The following NR2C2 variants were observed in gnomAD, a reference collection of about 807,000 sequenced individuals.
The protein encoded by NR2C2 is Nuclear hormone receptor TR4.
NR2C2 carries 6 observed loss-of-function variants against 62.9 expected under a neutral mutation model. The ratio of observed to expected loss-of-function variants is 0.10; its 90% CI spans 0.05 to 0.19. The LOEUF is 0.19. Ranked by LOEUF, NR2C2 falls within the 10% of genes least tolerant of loss-of-function variation. The pLI is 1.00. For missense variants in NR2C2, 479 were observed against 762.7 expected (o/e 0.63, Z 4.38); for synonymous variants, 272 against 273.8 (o/e 0.99, Z 0.07).
intron 1 of NR2C2, among the ~76,000 whole-genome samples, chr3:14,971,900 C>T (rs1325481011): frequency 1.3e-5 from 2 of 151,182 alleles, no homozygotes; most frequent in Non-Finnish European, 2.9e-5. Flanking sequence ...CCTCCGCCTC[C>T]CAGGTTCAAG....
intron 1 of NR2C2, among the ~76,000 whole-genome samples, chr3:14,965,588 T>C (rs1435101272): frequency 1.3e-5 from 2 of 151,692 alleles, no homozygotes; most frequent in African/African-American, 4.8e-5. Flanking sequence ...AGTCTCAATT[T>C]TGAGTGCAAA....
chr3:14,985,556 A>G (rs1459902778), intron 1 of NR2C2, among the ~76,000 whole-genome samples: 1 of 152,094 alleles, frequency 6.6e-6, no homozygotes, highest in Non-Finnish European at 1.5e-5. Context: ...ATTTACATCC[A>G]TGTTTATGTA....
At chr3:15,007,056 C>T (rs375934873) in intron 2 of NR2C2, among the ~76,000 whole-genome samples, 297 of 148,508 alleles carry the variant, frequency 2.0e-3, no homozygotes, top group African/African-American at 6.8e-3. Flanking sequence ...ATTACAGGCG[C>T]GAGCCACTGT....
intron 1 of NR2C2, among the ~76,000 whole-genome samples, chr3:14,979,232 CGTGA>C (rs1441824143): frequency 2.6e-5 from 4 of 152,098 alleles, no homozygotes; most frequent in Non-Finnish European, 4.4e-5. Flanking sequence ...GAGATAAATG[CGTGA>C]GTATTTTCTG....
At chr3:15,013,182 G>T (rs746964326) in intron 2 of NR2C2, among the ~76,000 whole-genome samples, 1 of 152,190 alleles carries the variant, frequency 6.6e-6, no homozygotes, top group South Asian at 2.1e-4. Context: ...TTTAGAAAGA[G>T]GCTGTCTTTG....
intron 1 of NR2C2, among the ~76,000 whole-genome samples, chr3:14,993,327 G>A (rs1478843241): frequency 6.6e-6 from 1 of 151,934 alleles, no homozygotes; most frequent in South Asian, 2.1e-4. Context: ...GGTGGTGGGT[G>A]CCTGTAATCC....
At chr3:15,021,396 C>A (rs73129403) in intron 5 of NR2C2, among the ~76,000 whole-genome samples, 2,070 of 152,286 alleles carry the variant, frequency 0.014, 51 homozygotes, top group African/African-American at 0.047. Context: ...GGATAAGGTC[C>A]TTTGCCAAGC....
At chr3:15,039,967 G>A (rs1024864356) in intron 13 of NR2C2, among the ~76,000 whole-genome samples, 5 of 151,782 alleles carry the variant, frequency 3.3e-5, no homozygotes, top group African/African-American at 1.2e-4. Context: ...TGGCCAAGAT[G>A]GTGAAACCCC....
chr3:14,992,217 T>C (rs1383194985), intron 1 of NR2C2, among the ~76,000 whole-genome samples: 2 of 152,002 alleles, frequency 1.3e-5, no homozygotes, highest in Non-Finnish European at 2.9e-5. Flanking sequence ...CAAAGCAATG[T>C]CATGCCATTA....
rs55834583 is a variant in NR2C2 at position 15,029,792 on chromosome 3, A to AATACATAGATAGATAG, written c.933-480_933-479insCATAGATAGATAGATA. 7.9e-4 allele frequency among the ~76,000 whole-genome samples: 110 copies of AATACATAGATAGATAG among 139,304 alleles called. 1 individual carries two copies. Among genetic ancestry groups the AATACATAGATAGATAG allele is most frequent in the Non-Finnish European group, 9.9e-4 (65 of 65,900 alleles). 91.4% of individuals were successfully genotyped at this position (139,304 alleles called of 152,430 possible). A position where few individuals can be genotyped will look rare whatever the true frequency, so the allele number is the denominator to read the frequency against. On this transcript the variant is annotated intron_variant, in intron 8 of 13. Coordinates refer to ENST00000425241, the MANE Select transcript of NR2C2 (RefSeq NM_001291694.2). ...CCCATCTCTGAAAAAGTAAATAAATAATAGATAGATAGATAGATAGATAGA... is the reference window on the plus strand; with the variant it reads ...CCCATCTCTGAAAAAGTAAATAAATAATACATAGATAGATAGATAGATAGATAGATAGATAGATAGA...
At chr3:14,980,954 T>G (rs1438821295) in intron 1 of NR2C2, among the ~76,000 whole-genome samples, 1 of 152,224 alleles carries the variant, frequency 6.6e-6, no homozygotes, top group Non-Finnish European at 1.5e-5. Flanking sequence ...TGGCTGTTAC[T>G]TAGTGATACA....
chr3:15,041,791 C>T (rs1021989614), intron 13 of NR2C2, among the ~76,000 whole-genome samples: 4 of 152,008 alleles, frequency 2.6e-5, no homozygotes, highest in African/African-American at 9.7e-5. Context: ...TGGGAGGTTG[C>T]GGTTGCAGTG....
At position 15,048,774 on chromosome 3, in the gene NR2C2, T is replaced by G. The variant is rs2042544140; in HGVS notation, c.*5766T>G. The G allele has an allele frequency of 6.6e-6, 1 of 152,650 alleles. No individual in the cohort carries two copies. Among genetic ancestry groups the G allele is most frequent in the Admixed American group, 6.5e-5 (1 of 15,284 alleles). 9.5% of individuals were successfully genotyped at this position (152,650 alleles called of 1,614,324 possible). On this transcript the variant is annotated 3_prime_UTR_variant, in exon 14 of 14. Transcript: ENST00000425241. ...TCAACTAGTTTTATAACTGAAAAGC[T>G]GCACATTTTTCACAGTACAAGCCGT...
At chr3:14,948,651 C>A (rs999676263) in intron 1 of NR2C2, 1 of 153,188 alleles carries the variant, frequency 6.5e-6, no homozygotes, top group South Asian at 1.8e-4. Context: ...GGCGCCTGGT[C>A]TTGGGTCAGC....
intron 1 of NR2C2, among the ~76,000 whole-genome samples, chr3:14,956,095 A>G (rs2039516169): frequency 6.6e-6 from 1 of 152,242 alleles, no homozygotes; most frequent in Non-Finnish European, 1.5e-5. Context: ...GTCTAAATAA[A>G]TAATTGGCTT....
intron 1 of NR2C2, among the ~76,000 whole-genome samples, chr3:14,973,408 A>AT (rs1377768346): frequency 5.9e-5 from 9 of 151,904 alleles, no homozygotes; most frequent in African/African-American, 1.7e-4. Flanking sequence ...AAAAAAAAAA[A>AT]TTTTTTTTAA....
chr3:15,039,077 T>C, intron 12 of NR2C2, 45 bp from the exon 13 acceptor site: 6 of 1,431,092 alleles, frequency 4.2e-6, no homozygotes, highest in Non-Finnish European at 5.9e-6. Context: ...AGTGAGACTT[T>C]TCAAATACAG....
At chr3:14,953,983 A>G (rs2039448592) in intron 1 of NR2C2, among the ~76,000 whole-genome samples, 1 of 151,276 alleles carries the variant, frequency 6.6e-6, no homozygotes, top group African/African-American at 2.4e-5. Context: ...CCCCCAGTGT[A>G]TTTGTTGTAT....
At chr3:14,964,154 A>G (rs1038072778) in intron 1 of NR2C2, among the ~76,000 whole-genome samples, 2 of 152,222 alleles carry the variant, frequency 1.3e-5, no homozygotes, top group Non-Finnish European at 2.9e-5. Flanking sequence ...TCAAGAGTTA[A>G]GTTCCTATGG....
Sources: gnomAD v4.1 joint callset for allele counts (sites outside exome capture counted in the v4.1 genomes callset) on GRCh38, gnomAD v4.1.1 for gene constraint, MANE v1.5 for transcripts, NCBI Gene and HGNC (gene_info 2026-07-23, HGNC 2026-07-21) for gene names.